Variants in PHACTR2 observed in about 807,000 individuals in gnomAD.
PHACTR2 encodes the protein phosphatase and actin regulator 2, also known as chromosome 6 open reading frame 56.
A neutral mutation model predicts 76.0 loss-of-function variants in PHACTR2; 30 were observed. That is an observed-to-expected ratio of 0.39 (90% CI 0.30 to 0.54). The LOEUF is 0.54. PHACTR2 is among the 20% of genes least tolerant of loss of function. PHACTR2 has a pLI of 0.61. For missense variants in PHACTR2, 696 were observed against 781.1 expected, an observed-to-expected ratio of 0.89 and a Z score of 1.30; for synonymous variants, 292 against 292.5, an observed-to-expected ratio of 1.00 and a Z score of 0.02.
At chr6:143,604,964 T>C (rs953079936), upstream of PHACTR2, among the ~76,000 whole-genome samples, 8 of 149,290 alleles carry the variant, frequency 5.4e-5, no homozygotes, top group Non-Finnish European at 1.2e-4. Flanking sequence ...TCTTCTTTGT[T>C]AAAACTGAGA....
In PHACTR2 at chr6:143,819,250, T is replaced by C. The variant is rs1776363846; in HGVS notation, c.1923-4424T>C. 6.6e-6 allele frequency among the ~76,000 whole-genome samples: 1 copy of C among 152,144 alleles called. No individual in the cohort carries two copies. ...CTGTCTCATAAGGTCCTCAGGTGGT[T>C]ATGTTCCAGTAGAGAAGCAAACTAT... On this transcript the variant is annotated intron_variant, in intron 12 of 12. Transcript: ENST00000440869. The surrounding 1 kb of genome is among the most constrained non-coding windows in gnomAD (Gnocchi z 5.0).
chr6:143,704,204 G>T (rs1254522549), intron 1 of PHACTR2, among the ~76,000 whole-genome samples: 3 of 151,868 alleles, frequency 2.0e-5, no homozygotes, highest in African/African-American at 7.3e-5. Context: ...GCGTGCTGGA[G>T]CTGGGCCCAT....
At chr6:143,593,092 A>T (rs964041109) in intron 1 of PHACTR2, among the ~76,000 whole-genome samples, 1 of 149,194 alleles carries the variant, frequency 6.7e-6, no homozygotes, top group Non-Finnish European at 1.5e-5. Flanking sequence ...GAGATTATCT[A>T]TTTGAGAGGA....
At chr6:143,805,875 T>G (rs1019691343) in intron 11 of PHACTR2, among the ~76,000 whole-genome samples, 1 of 152,128 alleles carries the variant, frequency 6.6e-6, no homozygotes, top group African/African-American at 2.4e-5. Context: ...AGAATGATGG[T>G]TAGTTATGAG....
In PHACTR2 at chr6:143,618,355, G is replaced by T. The variant is rs193063466; in HGVS notation, c.13+10033G>T. ...ACCTTAAATATTAAAGCCTAGGGAT[G>T]CTTTGATAACTTGCTTTTCTGGCGT... On this transcript the variant is annotated intron_variant, in intron 1 of 11. Coordinates refer to the PHACTR2 transcript ENST00000305766. This position sits in a 1 kb window ranked among gnomAD's most constrained non-coding sequence, Gnocchi z 5.2. Among the ~76,000 whole-genome samples, 16 of 152,108 alleles carry T rather than the reference G, an allele frequency of 1.1e-4. No homozygotes were observed. Among genetic ancestry groups the T allele is most frequent in the African/African-American group, 3.6e-4 (15 of 41,504 alleles).
intron 1 of PHACTR2, among the ~76,000 whole-genome samples, chr6:143,551,067 A>C (rs868423999): frequency 1.3e-4 from 19 of 151,062 alleles, no homozygotes; most frequent in Admixed American, 4.6e-4. Flanking sequence ...ACAAAAAAAA[A>C]CCCCAAAGAC....
At position 143,809,971 on chromosome 6, in the gene PHACTR2, C is replaced by T. The variant is rs1052711932; in HGVS notation, c.1922+2838C>T. Reference sequence around the variant, plus strand: ...ACTAAAAATACAAAAATTAGCTGAGCGTAGTGGCTCACAGCTGTAGTCCCA... The same window carrying T: ...ACTAAAAATACAAAAATTAGCTGAGTGTAGTGGCTCACAGCTGTAGTCCCA... On this transcript the variant is annotated intron_variant, in intron 12 of 12. Transcript: ENST00000440869. This position sits in a 1 kb window ranked among gnomAD's most constrained non-coding sequence, Gnocchi z 4.2. Among the ~76,000 whole-genome samples, 19 of 151,796 alleles carry T rather than the reference C, an allele frequency of 1.3e-4. No individual in the cohort carries two copies. Among genetic ancestry groups the T allele is most frequent in the African/African-American group, 4.4e-4 (18 of 41,308 alleles).
rs1776859185 is a variant in PHACTR2 at position 143,656,967 on chromosome 6, A to AT, written c.13+48651dup. Reference sequence around the variant, plus strand: ...ACTAAGTTTGATGTGGCTACTTTTTATTTTTTACTTTTCAAAAATTGTGGT... The same window carrying AT: ...ACTAAGTTTGATGTGGCTACTTTTTATTTTTTTACTTTTCAAAAATTGTGGT... On this transcript the variant is annotated intron_variant, in intron 1 of 11. Coordinates refer to the PHACTR2 transcript ENST00000305766. The surrounding 1 kb of genome is among the most constrained non-coding windows in gnomAD (Gnocchi z 5.3). Among the ~76,000 whole-genome samples, 1 of 151,402 alleles carries AT rather than the reference A, an allele frequency of 6.6e-6. No individual in the cohort carries two copies. The highest frequency in any genetic ancestry group is 1.5e-5 in the Non-Finnish European group (1 of 67,940).
intron 1 of PHACTR2, among the ~76,000 whole-genome samples, chr6:143,574,368 C>T (rs184098025): frequency 9.8e-5 from 15 of 152,298 alleles, no homozygotes; most frequent in Admixed American, 9.8e-4. Flanking sequence ...CATTTACACT[C>T]AAGGCTAAGG....
intron 2 of PHACTR2, among the ~76,000 whole-genome samples, chr6:143,740,140 C>G (rs1204479038): frequency 6.6e-6 from 1 of 152,142 alleles, no homozygotes; most frequent in African/African-American, 2.4e-5. Context: ...ATTGTTCATG[C>G]CTCCCCTTTT....
At chr6:143,769,043 T>A (rs184001105) in intron 6 of PHACTR2, among the ~76,000 whole-genome samples, 1 of 152,350 alleles carries the variant, frequency 6.6e-6, no homozygotes, top group East Asian at 1.9e-4. Context: ...TTCTGAGTTA[T>A]GTTTCATCAA....
At position 143,787,717 on chromosome 6, in the gene PHACTR2, A is replaced by C. The variant is rs1775586584; in HGVS notation, c.1708-1056A>C. On this transcript the variant is annotated intron_variant, in intron 10 of 12. Coordinates refer to ENST00000440869, the MANE Select transcript of PHACTR2 (RefSeq NM_001100164.2). The surrounding 1 kb of genome is among the most constrained non-coding windows in gnomAD (Gnocchi z 4.6). ...CGCTTGAGCCCAAGAGTTCAAGACC[A>C]GCCTGAGCAACATAGAGAGACCCCC... is the stretch of plus-strand genomic sequence containing the variant. Among the ~76,000 whole-genome samples the C allele has an allele frequency of 6.6e-6, 1 of 152,170 alleles. No homozygotes were observed.
At position 143,560,894 on chromosome 6, in the gene PHACTR2, T is replaced by C. The variant is rs1015227233; in HGVS notation, c.217+23687T>C. 5.4e-5 allele frequency among the ~76,000 whole-genome samples: 8 copies of C among 149,054 alleles called. No individual in the cohort carries two copies. In the East Asian group the frequency reaches 1.4e-3, roughly 26 times the overall value. On this transcript the variant is annotated intron_variant, in intron 1 of 11. Coordinates refer to the PHACTR2 transcript ENST00000367584. ...TGCAAAGCAGAGGGGTGTGTGTGTG[T>C]GTGTGTGTGTGTGTGTGTGTGTGTG...
In PHACTR2 at chr6:143,760,382, T is replaced by G; in HGVS notation, c.455-19T>G. ...GTGTGTCTGTATCAGTCTGCTTCTG[T>G]TCACTTTCTCGTTTATAGAGAACAC... On this transcript the variant is annotated intron_variant, in intron 4 of 12. Transcript: ENST00000440869. The surrounding 1 kb of genome is among the most constrained non-coding windows in gnomAD (Gnocchi z 6.4). 6.3e-7 allele frequency: 1 copy of G among 1,593,572 alleles called. No homozygotes were observed. Among genetic ancestry groups the G allele is most frequent in the East Asian group, 2.3e-5 (1 of 44,130 alleles).
chr6:143,565,431 A>G (rs1775349202), intron 1 of PHACTR2, among the ~76,000 whole-genome samples: 1 of 152,124 alleles, frequency 6.6e-6, no homozygotes, highest in Non-Finnish European at 1.5e-5. Context: ...ATCCTGGCTA[A>G]CACGGTGAAA....
intron 1 of PHACTR2, among the ~76,000 whole-genome samples, chr6:143,574,605 G>T (rs1200355623): frequency 6.7e-6 from 1 of 150,258 alleles, no homozygotes; most frequent in Admixed American, 6.6e-5. Flanking sequence ...ATTTTATTTA[G>T]GTTGAATCGT....
At chr6:143,551,178 C>G (rs369697213) in intron 1 of PHACTR2, among the ~76,000 whole-genome samples, 18 of 152,120 alleles carry the variant, frequency 1.2e-4, no homozygotes, top group African/African-American at 3.6e-4. Flanking sequence ...AGCAGTCCCC[C>G]CTTATCTATG....
rs1298344363 is a variant in PHACTR2 at position 143,820,816 on chromosome 6, C to T, written c.1923-2858C>T. Reference sequence around the variant, plus strand: ...CTTCCACACTGCCCTAGTAGAGGTTCTCTGTGGGGGCTGTGCCCTTCCAGT... The same window carrying T: ...CTTCCACACTGCCCTAGTAGAGGTTTTCTGTGGGGGCTGTGCCCTTCCAGT... On this transcript the variant is annotated intron_variant, in intron 12 of 12. Coordinates refer to ENST00000440869, the MANE Select transcript of PHACTR2 (RefSeq NM_001100164.2). The surrounding 1 kb of genome is among the most constrained non-coding windows in gnomAD (Gnocchi z 4.2). Among the ~76,000 whole-genome samples, 4 of 152,246 alleles carry T rather than the reference C, an allele frequency of 2.6e-5. No individual in the cohort carries two copies. The highest frequency in any genetic ancestry group is 5.9e-5 in the Non-Finnish European group (4 of 68,038).
In PHACTR2 at chr6:143,755,299, C is replaced by A; in HGVS notation, c.454+1387C>A. 2.2e-6 allele frequency: 1 copy of A among 456,050 alleles called. No homozygotes were observed. Among genetic ancestry groups the A allele is most frequent in the Non-Finnish European group, 4.4e-6 (1 of 226,794 alleles). 28.3% of individuals were successfully genotyped at this position (456,050 alleles called of 1,614,324 possible). On this transcript the variant is annotated intron_variant, in intron 4 of 12. Coordinates refer to ENST00000440869, the MANE Select transcript of PHACTR2 (RefSeq NM_001100164.2). The surrounding 1 kb of genome is among the most constrained non-coding windows in gnomAD (Gnocchi z 5.2). ...TTGTTTAAGTCTTTCTGTCCTGTCTCGCCAGACTGTTGAATTTCAAATCCA... is the reference window on the plus strand; with the variant it reads ...TTGTTTAAGTCTTTCTGTCCTGTCTAGCCAGACTGTTGAATTTCAAATCCA...
Sources: allele counts gnomAD v4.1 joint callset (sites outside exome capture counted in the v4.1 genomes callset), GRCh38; gene constraint gnomAD v4.1.1; non-coding constraint Gnocchi (gnomAD v3.1); transcripts MANE v1.5; gene names NCBI Gene and HGNC (gene_info 2026-07-23, HGNC 2026-07-21).